The following ZNF426 variants were observed in gnomAD, a reference collection of about 807,000 sequenced individuals.
ZNF426 encodes the protein zinc finger protein 426.
A neutral mutation model predicts 24.0 loss-of-function variants in ZNF426; 23 were observed. That is an observed-to-expected ratio of 0.96 (90% CI 0.69 to 1.36). The LOEUF is 1.36. Ranked by LOEUF, ZNF426 falls within the 40% of genes most tolerant of loss-of-function variation. The pLI, the probability that ZNF426 is intolerant of heterozygous loss-of-function variation, is 0.00. For synonymous variants in ZNF426, 272 were observed against 224.6 expected, an observed-to-expected ratio of 1.21 and a Z score of -1.89; for missense variants, 646 against 658.4, an observed-to-expected ratio of 0.98 and a Z score of 0.21.
At chr19:9,534,414 C>T (rs1357990394) in intron 4 of ZNF426, among the ~76,000 whole-genome samples, 3 of 151,906 alleles carry the variant, frequency 2.0e-5, no homozygotes, top group South Asian at 2.1e-4. Flanking sequence ...AGCATACTGG[C>T]TAGGTTGGTC....
At position 9,528,875 on chromosome 19, in the gene ZNF426, C is replaced by A. The variant is rs767382756; in HGVS notation, c.1170G>T (p.Lys390Asn). The change falls in exon 8 of 8, where the codon AAG becomes AAT. Residue 390 changes from lysine (K) to asparagine (N), a missense_variant. Lys to Asn is a moderately conservative substitution (Grantham distance 94, BLOSUM62 0). Coordinates refer to ENST00000253115, the MANE Select transcript of ZNF426 (RefSeq NM_024106.3). ...IQHIRTHTGE[K>N]PFVCVECGKA... is the part of the protein sequence containing the mutation. Reference sequence around the variant, plus strand: ...TCCCACATTCAACACATACAAAAGGCTTCTCTCCAGTGTGAGTTCTTATAT... The same window carrying A: ...TCCCACATTCAACACATACAAAAGGATTCTCTCCAGTGTGAGTTCTTATAT... 1 of 1,613,446 alleles carries A rather than the reference C, an allele frequency of 6.2e-7. No homozygotes were observed. The highest frequency in any genetic ancestry group is 1.1e-5 in the South Asian group (1 of 91,008).
At position 9,528,504 on chromosome 19, in the gene ZNF426, G is replaced by A. The variant is rs200716581; in HGVS notation, c.1541C>T (p.Thr514Met). The A allele has an allele frequency of 3.0e-4, 488 of 1,614,024 alleles. No homozygotes were observed. Among genetic ancestry groups the A allele is most frequent in the Middle Eastern group, 4.9e-4 (3 of 6,062 alleles). Residue 514 changes from threonine (T) to methionine (M), a missense_variant, in exon 8 of 8, where the codon ACG becomes ATG. Thr to Met is a moderately conservative substitution (Grantham distance 81, BLOSUM62 -1). Coordinates refer to ENST00000253115, the MANE Select transcript of ZNF426 (RefSeq NM_024106.3). ...YECKECGKAFTCSSSFRIHEK... is the reference protein window; with the variant it reads ...YECKECGKAFMCSSSFRIHEK... ...ATGAATTCTAAAGGAACTGGAACAC[G>A]TGAAGGCTTTCCCACACTCCTTGCA... is the stretch of plus-strand genomic sequence containing the variant.
chr19:9,532,799 A>G, intron 6 of ZNF426, 46 bp downstream of exon 6: 1 of 1,441,726 alleles, frequency 6.9e-7, no homozygotes, highest in Non-Finnish European at 9.7e-7. Context: ...GCTTTCAAAC[A>G]TACTGAACTT....
At position 9,530,331 on chromosome 19, in the gene ZNF426, T is replaced by C. The variant is rs892760705; in HGVS notation, c.408+654A>G. ...TTAGCTGGGCATGGTGGTGTGTTCC[T>C]GTAGTCCCAACCACATAGGAGGCTG... On this transcript the variant is annotated intron_variant, in intron 7 of 7. Transcript: ENST00000253115. Among the ~76,000 whole-genome samples the C allele has an allele frequency of 9.9e-5, 15 of 152,192 alleles. No individual in the cohort carries two copies. In the East Asian group the frequency reaches 2.3e-3, roughly 24 times the overall value.
rs370753452 is a variant in ZNF426 at position 9,528,920 on chromosome 19, T to A, written c.1125A>T (p.Thr375=). The change falls in exon 8 of 8, where the codon ACA becomes ACT. Residue 375 remains threonine, a synonymous_variant. Coordinates refer to ENST00000253115, the MANE Select transcript of ZNF426 (RefSeq NM_024106.3). ...ECKECGKSFL[T]SSRLIQHIRT... ...TTATATGTTGAATAAGGCGTGAGGA[T>A]GTAAGGAAGGATTTCCCACATTCCT... 4 of 1,613,740 alleles carry A rather than the reference T, an allele frequency of 2.5e-6. No individual in the cohort carries two copies. The highest frequency in any genetic ancestry group is 3.4e-6 in the Non-Finnish European group (4 of 1,179,892).
chr19:9,528,935 C>G lies in ZNF426; in HGVS notation c.1110G>C (p.Gly370=). 5.0e-6 allele frequency: 8 copies of G among 1,613,816 alleles called. No individual in the cohort carries two copies. Among genetic ancestry groups the G allele is most frequent in the Non-Finnish European group, 6.8e-6 (8 of 1,179,862 alleles). Reference sequence around the variant, plus strand: ...GGCGTGAGGATGTAAGGAAGGATTTCCCACATTCCTTACATTCATAGGGCT... The same window carrying G: ...GGCGTGAGGATGTAAGGAAGGATTTGCCACATTCCTTACATTCATAGGGCT... ...GDKPYECKEC[G]KSFLTSSRLI... The change falls in exon 8 of 8, where the codon GGG becomes GGC. Residue 370 remains glycine (G), a synonymous_variant. Transcript: ENST00000253115.
rs1316821115 is a variant in ZNF426 at position 9,528,197 on chromosome 19, AG to A, written c.*182del. The A allele has an allele frequency of 2.3e-5, 14 of 596,710 alleles. No individual in the cohort carries two copies. The East Asian group carries it at 3.6e-4, about 15-fold the overall frequency. 37.0% of individuals were successfully genotyped at this position (596,710 alleles called of 1,614,324 possible). A position where few individuals can be genotyped will look rare whatever the true frequency, so the allele number is the denominator to read the frequency against. On this transcript the variant is annotated 3_prime_UTR_variant, in exon 8 of 8. Transcript: ENST00000253115. ...GAGACAAGGTTTCACCATGTTGGCC[AG>A]GGTGGTCTCAAACTCCTGACCTCAA...
chr19:9,528,132 G>A lies in ZNF426; in HGVS notation c.*248C>T. The A allele has an allele frequency of 5.5e-6, 2 of 365,502 alleles. No homozygotes were observed. Among genetic ancestry groups the A allele is most frequent in the Non-Finnish European group, 5.0e-6 (1 of 201,950 alleles). The allele number at this position is 365,502 out of a possible 1,614,324, so 22.6% of individuals were successfully genotyped here. A position where few individuals can be genotyped will look rare whatever the true frequency, so the allele number is the denominator to read the frequency against. On this transcript the variant is annotated 3_prime_UTR_variant, in exon 8 of 8. Transcript: ENST00000253115. ...GCCTCCCAAGTAGCTGGGATTACAG[G>A]TGCCCACCACACCTGGCTAAATTTT... is the stretch of plus-strand genomic sequence containing the variant.
chr19:9,535,653 A>G (rs2073954556), intron 3 of ZNF426, among the ~76,000 whole-genome samples: 1 of 150,724 alleles, frequency 6.6e-6, no homozygotes. Context: ...AGTGAACATA[A>G]ACTCCCCATC....
rs892085623 is a variant in ZNF426, at chr19:9,525,109, C to T, written c.*3271G>A. The T allele has an allele frequency of 2.0e-5, 3 of 151,124 alleles. No homozygotes were observed. Among genetic ancestry groups the T allele is most frequent in the East Asian group, 2.0e-4 (1 of 5,022 alleles). The allele number at this position is 151,124 out of a possible 1,614,324, so 9.4% of individuals were successfully genotyped here. ...CTAAAAATACAAAAAATTAGCCGGG[C>T]GTGGTAGCGGGCGCCTGTAGTCCCA... On this transcript the variant is annotated 3_prime_UTR_variant, in exon 8 of 8. Transcript: ENST00000253115.
Position 9,529,339 on chromosome 19 carries a change from C to T in ZNF426, c.706G>A (p.Glu236Lys). ...CTCATATGTGCCTGAAGGTATGACT[C>T]ATTAATGAAGGATTTTCCACAGTGA... Reference protein sequence around the residue: ...CSHCGKSFINESYLQAHMRTH... With the variant: ...CSHCGKSFINKSYLQAHMRTH... Residue 236 changes from glutamate (E) to lysine (K), a missense_variant, in exon 8 of 8, where the codon GAG becomes AAG. Physicochemically the swap from Glu to Lys is moderately conservative, Grantham distance 56. Transcript: ENST00000253115. The T allele has an allele frequency of 4.3e-6, 7 of 1,614,166 alleles. No homozygotes were observed. The highest frequency in any genetic ancestry group is 5.9e-6 in the Non-Finnish European group (7 of 1,180,038).
chr19:9,535,088 A>T, intron 4 of ZNF426, 100 bp downstream of exon 4: 2 of 936,218 alleles, frequency 2.1e-6, no homozygotes, highest in Non-Finnish European at 3.1e-6. Context: ...AAAAAAAAAA[A>T]AAAAAAAAGA....
rs1448850102 is a variant in ZNF426 at position 9,526,635 on chromosome 19, C to G, written c.*1745G>C. ...GGATAACTACAAAAGATGTATCCTA[C>G]ATATAAAGGAAATACCAGATGGAAA... is the stretch of plus-strand genomic sequence containing the variant. On this transcript the variant is annotated 3_prime_UTR_variant, in exon 8 of 8. Transcript: ENST00000253115. The G allele has an allele frequency of 6.6e-6, 1 of 151,192 alleles. No individual in the cohort carries two copies. Among genetic ancestry groups the G allele is most frequent in the East Asian group, 1.9e-4 (1 of 5,176 alleles). The allele number at this position is 151,192 out of a possible 1,614,324, so 9.4% of individuals were successfully genotyped here. A position where few individuals can be genotyped will look rare whatever the true frequency, so the allele number is the denominator to read the frequency against.
At position 9,529,623 on chromosome 19, in the gene ZNF426, TTG is replaced by T; in HGVS notation, c.420_421del (p.His140GlnfsTer7). ...CTCACAGTCACAGAGTTCCCTTCCA[TTG>T]TGTTTTCCTTCCTGTTGAAGGGATG... On this transcript the variant is annotated frameshift_variant, in exon 8 of 8. Coordinates refer to ENST00000253115, the MANE Select transcript of ZNF426 (RefSeq NM_024106.3). LOFTEE classifies it low-confidence loss of function (END_TRUNC). 6.3e-7 allele frequency: 1 copy of T among 1,591,500 alleles called. No individual in the cohort carries two copies. The highest frequency in any genetic ancestry group is 8.5e-7 in the Non-Finnish European group (1 of 1,175,492).
chr19:9,531,154 GC>G, intron 6 of ZNF426, 87 bp from the exon 7 acceptor site: 1 of 1,067,522 alleles, frequency 9.4e-7, no homozygotes, highest in South Asian at 1.3e-5. Context: ...GGAGGCTAAG[GC>G]AGGTGGATCA....
In ZNF426 at chr19:9,535,155, G is replaced by A. The variant is rs1232192798; in HGVS notation, c.117+33C>T. 3.3e-6 allele frequency: 5 copies of A among 1,528,106 alleles called. No homozygotes were observed. The African/African-American group carries it at 4.2e-5, about 13-fold the overall frequency. 94.7% of individuals were successfully genotyped at this position (1,528,106 alleles called of 1,614,324 possible). On this transcript the variant is annotated intron_variant, in intron 4 of 7. Coordinates refer to ENST00000253115, the MANE Select transcript of ZNF426 (RefSeq NM_024106.3). ...GTGTCTACCTGGTGGATGCAAGTAT[G>A]TCACTATGTATAAGAATACAGCTGC...
Position 9,526,575 on chromosome 19 carries a change from AGAG to A in ZNF426, c.*1802_*1804del, listed in dbSNP as rs2073794112. 1.3e-5 allele frequency: 2 copies of A among 152,200 alleles called. No homozygotes were observed. The highest frequency in any genetic ancestry group is 2.9e-5 in the Non-Finnish European group (2 of 68,044). 9.4% of individuals were successfully genotyped at this position (152,200 alleles called of 1,614,324 possible). ...AGAAACATCCACACCTGAAAAGCAAAGAGAAGAATAAAAAAACAAGATATAAGA... is the reference window on the plus strand; with the variant it reads ...AGAAACATCCACACCTGAAAAGCAAAAAGAATAAAAAAACAAGATATAAGA... On this transcript the variant is annotated 3_prime_UTR_variant, in exon 8 of 8. Coordinates refer to ENST00000253115, the MANE Select transcript of ZNF426 (RefSeq NM_024106.3).
rs1383099930 is a variant in ZNF426, at chr19:9,528,331, C to G, written c.*49G>C. 1 of 1,511,460 alleles carries G rather than the reference C, an allele frequency of 6.6e-7. No individual in the cohort carries two copies. Among genetic ancestry groups the G allele is most frequent in the Non-Finnish European group, 8.9e-7 (1 of 1,125,762 alleles). The allele number at this position is 1,511,460 out of a possible 1,614,324, so 93.6% of individuals were successfully genotyped here. A position where few individuals can be genotyped will look rare whatever the true frequency, so the allele number is the denominator to read the frequency against. Reference sequence around the variant, plus strand: ...AGTTCATTCATGTCTTTAAAGTGAACTGGAACAAATGAGAGCTTTCCCACA... The same window carrying G: ...AGTTCATTCATGTCTTTAAAGTGAAGTGGAACAAATGAGAGCTTTCCCACA... On this transcript the variant is annotated 3_prime_UTR_variant, in exon 8 of 8. Coordinates refer to ENST00000253115, the MANE Select transcript of ZNF426 (RefSeq NM_024106.3).
chr19:9,533,756 A>G, intron 5 of ZNF426, 84 bp downstream of exon 5: 1 of 1,562,290 alleles, frequency 6.4e-7, no homozygotes, highest in Non-Finnish European at 8.8e-7. Flanking sequence ...TTGCATTCAG[A>G]GTTGACATTG....
Sources: gnomAD v4.1 joint callset for allele counts (sites outside exome capture counted in the v4.1 genomes callset) on GRCh38, gnomAD v4.1.1 for gene constraint, MANE v1.5 for transcripts, NCBI Gene and HGNC (gene_info 2026-07-23, HGNC 2026-07-21) for gene names.